DMRT1: variants seen among roughly 807,000 people sequenced by gnomAD.
The protein encoded by DMRT1 is doublesex- and mab-3-related transcription factor 1.
DMRT1 carries 7 observed loss-of-function variants against 32.3 expected under a neutral mutation model. That is an observed-to-expected ratio of 0.22 (90% CI 0.12 to 0.41). The LOEUF (loss-of-function observed/expected upper bound fraction) is 0.41, where lower values mean the gene tolerates loss of function less well. Ranked by LOEUF, DMRT1 falls within the 10% of genes least tolerant of loss-of-function variation. The probability of loss-of-function intolerance (pLI) is 1.00; values close to 1 mark genes in which losing one functional copy is unlikely to be tolerated. For missense variants in DMRT1, 625 were observed against 500.5 expected, an observed-to-expected ratio of 1.25 and a Z score of -2.37; for synonymous variants, 278 against 206.1, an observed-to-expected ratio of 1.35 and a Z score of -2.99.
intron 4 of DMRT1, among the ~76,000 whole-genome samples, chr9:922,890 C>G (rs879495239): frequency 3.6e-4 from 55 of 151,322 alleles, no homozygotes; most frequent in Admixed American, 3.6e-3. Context: ...ACATTTTACC[C>G]AAAGGTCAGA....
At chr9:846,105 C>G (rs1838892574) in intron 1 of DMRT1, among the ~76,000 whole-genome samples, 1 of 150,318 alleles carries the variant, frequency 6.7e-6, no homozygotes, top group Non-Finnish European at 1.5e-5. Context: ...GATCTCGGCT[C>G]ACTGCAACCT....
At chr9:879,609 A>C (rs1213160224) in intron 2 of DMRT1, among the ~76,000 whole-genome samples, 1 of 152,238 alleles carries the variant, frequency 6.6e-6, no homozygotes, top group Admixed American at 6.5e-5. Context: ...TACTAGACCA[A>C]AACTTGACAA....
intron 2 of DMRT1, among the ~76,000 whole-genome samples, chr9:853,832 G>T (rs761109989): frequency 6.6e-6 from 1 of 152,026 alleles, no homozygotes; most frequent in African/African-American, 2.4e-5. Context: ...GTCTCATTCT[G>T]TCTCCCAGGC....
At chr9:892,317 C>A (rs1335009814) in intron 2 of DMRT1, among the ~76,000 whole-genome samples, 2 of 152,158 alleles carry the variant, frequency 1.3e-5, no homozygotes, top group Non-Finnish European at 2.9e-5. Context: ...CCAGATGGAG[C>A]TAGCACCTCC....
chr9:888,508 C>G (rs1817018793), intron 2 of DMRT1, among the ~76,000 whole-genome samples: 1 of 152,076 alleles, frequency 6.6e-6, no homozygotes, highest in South Asian at 2.1e-4. Context: ...TTTGTTTGCC[C>G]AGGTTGGTCT....
chr9:940,378 G>C (rs1182324835), intron 4 of DMRT1, among the ~76,000 whole-genome samples: 1 of 152,086 alleles, frequency 6.6e-6, no homozygotes, highest in Non-Finnish European at 1.5e-5. Flanking sequence ...CAATAGACTA[G>C]GATAGAAAGC....
rs148541843 is a variant in DMRT1 at position 898,370 on chromosome 9, C to T, written c.822+4175C>T. On this transcript the variant is annotated intron_variant, in intron 3 of 4. Coordinates refer to ENST00000382276, the MANE Select transcript of DMRT1 (RefSeq NM_021951.3). ...CCTGGCCTCAAGTGATCCGCCCACT[C>T]GGCCTCCCAAAGTGCTGGGATTACA... 7.0e-4 allele frequency among the ~76,000 whole-genome samples: 107 copies of T among 152,316 alleles called. 1 individual carries two copies. The South Asian group carries it at 7.7e-3, about 11-fold the overall frequency.
chr9:851,171 C>G (rs1839134389), intron 2 of DMRT1, among the ~76,000 whole-genome samples: 1 of 152,044 alleles, frequency 6.6e-6, no homozygotes, highest in Non-Finnish European at 1.5e-5. Context: ...TGCTAACTTT[C>G]TACTTTCTAA....
intron 4 of DMRT1, among the ~76,000 whole-genome samples, chr9:931,064 C>G (rs1818710093): frequency 6.6e-6 from 1 of 152,188 alleles, no homozygotes; most frequent in African/African-American, 2.4e-5. Flanking sequence ...TACTTTCTGT[C>G]TCTATGAATT....
chr9:902,058 C>T (rs1011915005), intron 3 of DMRT1, among the ~76,000 whole-genome samples: 9 of 150,992 alleles, frequency 6.0e-5, no homozygotes, highest in African/African-American at 2.2e-4. Flanking sequence ...TACAGGCGTG[C>T]ACCACCACGC....
chr9:967,825 TTAA>T (rs1290332922), intron 4 of DMRT1, among the ~76,000 whole-genome samples, 157 bp from the exon 5 acceptor site: 2 of 152,230 alleles, frequency 1.3e-5, no homozygotes, highest in Non-Finnish European at 2.9e-5. Context: ...GCTAGGAGTT[TTAA>T]TGAGTGTCTA....
intron 4 of DMRT1, among the ~76,000 whole-genome samples, chr9:955,577 A>T (rs1010259929): frequency 1.3e-5 from 2 of 152,164 alleles, no homozygotes; most frequent in African/African-American, 4.8e-5. Flanking sequence ...ATGATAGTGC[A>T]TGCCTGTAGT....
chr9:897,683 T>G (rs964742819), intron 3 of DMRT1, among the ~76,000 whole-genome samples: 1 of 152,194 alleles, frequency 6.6e-6, no homozygotes, highest in African/African-American at 2.4e-5. Flanking sequence ...AAGAATGTTT[T>G]AAAATCATGT....
At chr9:916,344 C>A (rs1280021203) in intron 3 of DMRT1, among the ~76,000 whole-genome samples, 1 of 151,838 alleles carries the variant, frequency 6.6e-6, no homozygotes, top group Non-Finnish European at 1.5e-5. Flanking sequence ...AGGCCACTTC[C>A]AACTTAGATA....
At chr9:953,614 C>G (rs923146586) in intron 4 of DMRT1, among the ~76,000 whole-genome samples, 1 of 152,180 alleles carries the variant, frequency 6.6e-6, no homozygotes, top group Non-Finnish European at 1.5e-5. Context: ...TTGTTGTACT[C>G]CCTCTCCACT....
At chr9:869,526 C>A (rs1473434440) in intron 2 of DMRT1, among the ~76,000 whole-genome samples, 1 of 152,108 alleles carries the variant, frequency 6.6e-6, no homozygotes, top group African/African-American at 2.4e-5. Context: ...TCTAAAGTAT[C>A]CCTAGATTAC....
At chr9:872,094 C>T (rs1816292574) in intron 2 of DMRT1, among the ~76,000 whole-genome samples, 1 of 151,282 alleles carries the variant, frequency 6.6e-6, no homozygotes, top group Non-Finnish European at 1.5e-5. Flanking sequence ...TGGCATCTCA[C>T]TCTGTCACCC....
chr9:884,244 C>G (rs1362808448), intron 2 of DMRT1, among the ~76,000 whole-genome samples: 2 of 151,932 alleles, frequency 1.3e-5, no homozygotes, highest in African/African-American at 4.8e-5. Flanking sequence ...TGGTTAACTA[C>G]TATTAATATG....
chr9:932,368 G>A (rs988513695), intron 4 of DMRT1, among the ~76,000 whole-genome samples: 3 of 152,172 alleles, frequency 2.0e-5, no homozygotes, highest in East Asian at 1.9e-4. Flanking sequence ...AGAGCAGTGC[G>A]TTATTTCTTG....
Sources: allele counts gnomAD v4.1 joint callset (sites outside exome capture counted in the v4.1 genomes callset), GRCh38; gene constraint gnomAD v4.1.1; transcripts MANE v1.5; gene names NCBI Gene and HGNC (gene_info 2026-07-23, HGNC 2026-07-21).